CEP112: variants seen among roughly 807,000 people sequenced by gnomAD.
CEP112 encodes the protein centrosomal protein 112, also known as centrosomal protein of 112 kDa.
Under a neutral mutation model 153.0 loss-of-function variants are expected in CEP112, and 127 were observed. The ratio of observed to expected loss-of-function variants is 0.83; its 90% CI spans 0.72 to 0.96. The LOEUF is 0.96. Ranked by LOEUF, CEP112 falls within the 40% of genes least tolerant of loss-of-function variation. The pLI is 0.00. For synonymous variants in CEP112, 358 were observed against 374.4 expected (o/e 0.96, Z 0.51); for missense variants, 1,089 against 1,101.2 (o/e 0.99, Z 0.16).
chr17:65,902,347 T>C lies in CEP112; in HGVS notation c.1981-13A>G. 1 of 1,605,888 alleles carries C rather than the reference T, an allele frequency of 6.2e-7. No individual in the cohort carries two copies. Among genetic ancestry groups the C allele is most frequent in the Non-Finnish European group, 8.5e-7 (1 of 1,176,076 alleles). On this transcript the variant is annotated splice_polypyrimidine_tract_variant and intron_variant, in intron 19 of 26. Transcript: ENST00000535342. ...TCAGCTCTACTATCTGATTGGACAA[T>C]GAGGAGGACAGTTCATCAACAGAAC...
At chr17:65,852,103 G>A in intron 20 of CEP112, 69 bp from the exon 21 acceptor site, 2 of 988,042 alleles carry the variant, frequency 2.0e-6, no homozygotes, top group African/African-American at 1.6e-5. Context: ...GAACCAATGG[G>A]CAAAAGGCCA....
chr17:66,013,393 T>C (rs955689973), intron 16 of CEP112, among the ~76,000 whole-genome samples: 2 of 152,114 alleles, frequency 1.3e-5, no homozygotes, highest in East Asian at 1.9e-4. Context: ...GTGGGGTTTT[T>C]GTTTTGTTTT....
In CEP112 at chr17:65,824,579, G is replaced by A. The variant is rs1049396883; in HGVS notation, c.2394+27225C>T. ...AAGAGTTAGAGGAATACAAGAAAGA[G>A]CTTGACTGCTTCTGAGTTGGTGTGG... On this transcript the variant is annotated intron_variant, in intron 21 of 26. Coordinates refer to ENST00000535342, the MANE Select transcript of CEP112 (RefSeq NM_001199165.4). Among the ~76,000 whole-genome samples the A allele has an allele frequency of 3.4e-4, 52 of 152,232 alleles. 4 individuals are homozygous for A. The highest frequency in any genetic ancestry group is 7.3e-5 in the Non-Finnish European group (5 of 68,040).
chr17:66,131,413 G>A (rs1048242811), intron 5 of CEP112, among the ~76,000 whole-genome samples: 3 of 152,098 alleles, frequency 2.0e-5, no homozygotes, highest in Admixed American at 6.5e-5. Flanking sequence ...TCGATAAAAT[G>A]CAATGAGTTA....
At position 66,191,352 on chromosome 17, in the gene CEP112, CAAAT is replaced by C. The variant is rs1260907317; in HGVS notation, c.-9+641_-9+644del. 3.9e-5 allele frequency among the ~76,000 whole-genome samples: 6 copies of C among 152,150 alleles called. No individual in the cohort carries two copies. The highest frequency in any genetic ancestry group is 2.1e-4 in the South Asian group (1 of 4,828). On this transcript the variant is annotated intron_variant, in intron 1 of 26. Transcript: ENST00000535342. This position sits in a 1 kb window ranked among gnomAD's most constrained non-coding sequence, Gnocchi z 4.2. Reference sequence around the variant, plus strand: ...TTGACTCATCTTAAAATATTAAAAACAAATAAAAGTAGCCGTGCAATGATCAGAA... The same window carrying C: ...TTGACTCATCTTAAAATATTAAAAACAAAAGTAGCCGTGCAATGATCAGAA...
chr17:65,702,353 T>C (rs1383961602), intron 23 of CEP112, among the ~76,000 whole-genome samples: 1 of 152,194 alleles, frequency 6.6e-6, no homozygotes, highest in Admixed American at 6.5e-5. Flanking sequence ...TCTGAATCCC[T>C]TCCTAAACTA....
At chr17:66,041,399 T>C (rs2065971889) in intron 12 of CEP112, among the ~76,000 whole-genome samples, 1 of 152,194 alleles carries the variant, frequency 6.6e-6, no homozygotes, top group Non-Finnish European at 1.5e-5. Context: ...TAACATCATT[T>C]CATTATAATA....
At chr17:65,964,154 C>A (rs990745461) in intron 17 of CEP112, among the ~76,000 whole-genome samples, 23 of 152,150 alleles carry the variant, frequency 1.5e-4, no homozygotes, top group Non-Finnish European at 3.1e-4. Flanking sequence ...TGAACTGGGA[C>A]CTGGGTATCT....
At chr17:65,726,528 G>A (rs777617206) in intron 23 of CEP112, among the ~76,000 whole-genome samples, 7 of 152,084 alleles carry the variant, frequency 4.6e-5, no homozygotes, top group African/African-American at 1.7e-4. Flanking sequence ...GGCAGGTTGC[G>A]TGGCTGGCAA....
intron 18 of CEP112, among the ~76,000 whole-genome samples, chr17:65,961,009 T>TAAA (rs34186038): frequency 4.8e-5 from 7 of 146,468 alleles, no homozygotes; most frequent in Non-Finnish European, 1.1e-4. Context: ...CTTTAAAAAC[T>TAAA]AAAAAAAAAA....
chr17:65,978,607 T>C (rs931914023), intron 17 of CEP112, among the ~76,000 whole-genome samples: 3 of 152,240 alleles, frequency 2.0e-5, no homozygotes, highest in Admixed American at 1.3e-4. Flanking sequence ...CTCAAGGAAG[T>C]ATTATTGTCC....
chr17:65,693,681 TG>T (rs2048227512), intron 23 of CEP112, among the ~76,000 whole-genome samples: 1 of 152,180 alleles, frequency 6.6e-6, no homozygotes, highest in Non-Finnish European at 1.5e-5. Flanking sequence ...TCTGACATGC[TG>T]GGTTGAAGGT....
At chr17:65,672,357 T>C (rs1354879950) in intron 24 of CEP112, among the ~76,000 whole-genome samples, 1 of 151,742 alleles carries the variant, frequency 6.6e-6, no homozygotes, top group Non-Finnish European at 1.5e-5. Context: ...TTCAATACAG[T>C]CCCCATAAGA....
At chr17:66,056,747 T>A (rs2066707750) in intron 11 of CEP112, among the ~76,000 whole-genome samples, 1 of 152,180 alleles carries the variant, frequency 6.6e-6, no homozygotes, top group Admixed American at 6.6e-5. Context: ...GAGTGGTAAC[T>A]GACTGCTGAT....
At chr17:65,650,035 C>A (rs548342332) in intron 24 of CEP112, among the ~76,000 whole-genome samples, 2 of 152,344 alleles carry the variant, frequency 1.3e-5, no homozygotes, top group Admixed American at 1.3e-4. Context: ...CACCTGCTAA[C>A]CTCCTGCAAC....
chr17:66,063,162 G>T, intron 10 of CEP112, 81 bp from the exon 11 acceptor site: 1 of 529,928 alleles, frequency 1.9e-6, no homozygotes, highest in Non-Finnish European at 3.2e-6. Flanking sequence ...GCACCAGTTA[G>T]TAGGTAATTC....
Position 65,743,057 on chromosome 17 carries a change from C to T in CEP112, c.2607+11G>A, listed in dbSNP as rs1443991411. 4 of 1,598,460 alleles carry T rather than the reference C, an allele frequency of 2.5e-6. 1 individual carries two copies. Among genetic ancestry groups the T allele is most frequent in the Middle Eastern group, 2.0e-4 (1 of 4,900 alleles). The stretch of plus-strand genomic sequence containing the variant: ...AGCTGGTACCACTGGTTACTGAAGT[C>T]TTCAGATTACCTTGATTGCTTGGTC... On this transcript the variant is annotated intron_variant, in intron 23 of 26. Transcript: ENST00000535342.
At chr17:65,701,578 A>G (rs1458960050) in intron 23 of CEP112, among the ~76,000 whole-genome samples, 1 of 152,204 alleles carries the variant, frequency 6.6e-6, no homozygotes, top group East Asian at 1.9e-4. Context: ...AGCTCTAACT[A>G]GGGCTTGCCT....
chr17:66,008,094 T>C (rs575254548), intron 16 of CEP112, among the ~76,000 whole-genome samples: 1 of 152,176 alleles, frequency 6.6e-6, no homozygotes, highest in African/African-American at 2.4e-5. Context: ...AAATTATACA[T>C]CTTTGAGGTA....
Sources: allele counts gnomAD v4.1 joint callset (sites outside exome capture counted in the v4.1 genomes callset), GRCh38; gene constraint gnomAD v4.1.1; non-coding constraint Gnocchi (gnomAD v3.1); transcripts MANE v1.5; gene names NCBI Gene and HGNC (gene_info 2026-07-23, HGNC 2026-07-21).